The following SNX29 variants were observed in gnomAD, a reference collection of about 807,000 sequenced individuals.
The protein encoded by SNX29 is sorting nexin 29, also known as sorting nexin-29.
A neutral mutation model predicts 102.1 loss-of-function variants in SNX29; 78 were observed. That is an observed-to-expected ratio of 0.76 (90% CI 0.64 to 0.92). SNX29 has a LOEUF of 0.92. Among genes scored for constraint, SNX29 ranks in the 40% least tolerant of loss-of-function variants. The probability of loss-of-function intolerance (pLI) is 0.00; values close to 1 mark genes in which losing one functional copy is unlikely to be tolerated. For missense variants in SNX29, 1,280 were observed against 1,061.7 expected (o/e 1.21, Z -2.86); for synonymous variants, 580 against 414.5 (o/e 1.40, Z -4.85).
At chr16:12,554,363 G>A (rs2078188249) in intron 20 of SNX29, among the ~76,000 whole-genome samples, 1 of 125,024 alleles carries the variant, frequency 8.0e-6, no homozygotes, top group Non-Finnish European at 1.6e-5. Context: ...CCTTACCTGT[G>A]TCTTGAAGGT....
chr16:12,563,153 G>T (rs554359220), intron 20 of SNX29, among the ~76,000 whole-genome samples: 1 of 150,440 alleles, frequency 6.6e-6, no homozygotes, highest in Admixed American at 7.2e-5. Flanking sequence ...CCCAGCTCCA[G>T]GGGGGGCAAC....
intron 13 of SNX29, among the ~76,000 whole-genome samples, chr16:12,192,326 G>A (rs1382150011): frequency 6.6e-5 from 10 of 152,106 alleles, no homozygotes. Flanking sequence ...TTGGACAGGC[G>A]AATATTTGAA....
intron 15 of SNX29, among the ~76,000 whole-genome samples, chr16:12,334,893 C>T (rs1355609472): frequency 8.9e-6 from 1 of 111,980 alleles, no homozygotes; most frequent in Non-Finnish European, 1.7e-5. Context: ...AGTTATCAGC[C>T]CCAGAGCCTT....
intron 15 of SNX29, among the ~76,000 whole-genome samples, chr16:12,347,078 C>T (rs958862004): frequency 6.6e-6 from 1 of 152,186 alleles, no homozygotes; most frequent in East Asian, 1.9e-4. Flanking sequence ...TGTGTGTAAG[C>T]ATTACCTCTT....
In SNX29 at chr16:12,061,572, C is replaced by T; in HGVS notation, c.1169C>T (p.Ala390Val). The T allele has an allele frequency of 6.2e-7, 1 of 1,611,070 alleles. No individual in the cohort carries two copies. Among genetic ancestry groups the T allele is most frequent in the Non-Finnish European group, 8.5e-7 (1 of 1,178,998 alleles). The change falls in exon 9 of 21, where the codon GCT (alanine) becomes GTT (valine). Residue 390 changes from alanine to valine, a missense_variant. Coordinates refer to ENST00000566228, the MANE Select transcript of SNX29 (RefSeq NM_032167.5). ...TGCCTCTCCCAGATGCACAGCTGGGCTCCGCTGAAGGTGCTGCACAATGAC... is the reference window on the plus strand; with the variant it reads ...TGCCTCTCCCAGATGCACAGCTGGGTTCCGCTGAAGGTGCTGCACAATGAC... Reference protein sequence around the residue: ...NTCLSQMHSWAPLKVLHNDSD... With the variant: ...NTCLSQMHSWVPLKVLHNDSD...
At chr16:12,002,188 C>A (rs2056312387) in intron 2 of SNX29, among the ~76,000 whole-genome samples, 1 of 152,160 alleles carries the variant, frequency 6.6e-6, no homozygotes. Flanking sequence ...TGGCTCACGC[C>A]TGTAATCCCA....
intron 8 of SNX29, chr16:12,052,464 G>C: frequency 2.4e-6 from 1 of 424,312 alleles, no homozygotes; most frequent in South Asian, 2.1e-5. Context: ...TGATCTGCCT[G>C]CCTTGGCCTC....
chr16:12,232,049 T>C (rs759149412), intron 14 of SNX29, among the ~76,000 whole-genome samples: 23 of 152,224 alleles, frequency 1.5e-4, no homozygotes, highest in African/African-American at 2.4e-4. Flanking sequence ...GGAATTGTCA[T>C]GAATTGTCCT....
chr16:12,544,513 C>T (rs948510782), intron 20 of SNX29, among the ~76,000 whole-genome samples: 3 of 152,106 alleles, frequency 2.0e-5, no homozygotes, highest in African/African-American at 7.2e-5. Context: ...TGGCATTTTT[C>T]TGTGGGGAAT....
At chr16:12,270,837 T>C (rs1596703015) in intron 14 of SNX29, among the ~76,000 whole-genome samples, 1 of 152,146 alleles carries the variant, frequency 6.6e-6, no homozygotes, top group East Asian at 1.9e-4. Flanking sequence ...CGGTCAGGCA[T>C]TCGAGACCCA....
intron 11 of SNX29, among the ~76,000 whole-genome samples, chr16:12,105,979 G>A (rs1010711436): frequency 6.6e-6 from 1 of 152,214 alleles, no homozygotes; most frequent in Non-Finnish European, 1.5e-5. Context: ...TCCTGGAGGA[G>A]TCTGTACTAA....
intron 15 of SNX29, among the ~76,000 whole-genome samples, chr16:12,325,219 C>A (rs945873112): frequency 6.6e-6 from 1 of 152,162 alleles, no homozygotes; most frequent in African/African-American, 2.4e-5. Flanking sequence ...TCCAGTGTGA[C>A]CCTCTGAAAG....
chr16:12,505,961 T>C (rs2089359173), intron 19 of SNX29, among the ~76,000 whole-genome samples: 1 of 152,248 alleles, frequency 6.6e-6, no homozygotes, highest in African/African-American at 2.4e-5. Context: ...GTTTCAGATT[T>C]CATTTGTTTG....
chr16:12,083,591 G>A (rs1033544844), intron 11 of SNX29, among the ~76,000 whole-genome samples: 1 of 152,144 alleles, frequency 6.6e-6, no homozygotes, highest in Non-Finnish European at 1.5e-5. Flanking sequence ...ACTCCGATTG[G>A]GAGTTAGGTC....
intron 8 of SNX29, among the ~76,000 whole-genome samples, chr16:12,058,108 T>C (rs2050594959): frequency 1.3e-5 from 2 of 151,856 alleles, no homozygotes; most frequent in South Asian, 4.2e-4. Context: ...GTGTGAGCCA[T>C]CATGCCTGGC....
chr16:12,036,334 CT>C (rs1217078180), intron 4 of SNX29, among the ~76,000 whole-genome samples: 37,238 of 78,360 alleles, frequency 0.48, 6,735 homozygotes, highest in African/African-American at 0.63. Flanking sequence ...TTCTTTCTTT[CT>C]TTTTTTTTTT....
At chr16:12,502,878 T>C (rs2089191954) in intron 19 of SNX29, among the ~76,000 whole-genome samples, 1 of 152,194 alleles carries the variant, frequency 6.6e-6, no homozygotes, top group African/African-American at 2.4e-5. Context: ...GTCACTACTT[T>C]AGAATTACAG....
Position 12,572,863 on chromosome 16 carries a change from G to T in SNX29, c.*4234G>T, listed in dbSNP as rs942953039. ...TCATGCCCAGGTTTCAGCCCTAAAG[G>T]TAATGATTGTCTTGACTCTGCCTTG... On this transcript the variant is annotated 3_prime_UTR_variant, in exon 21 of 21. Transcript: ENST00000566228. 2 of 1,063,182 alleles carry T rather than the reference G, an allele frequency of 1.9e-6. No individual in the cohort carries two copies. The highest frequency in any genetic ancestry group is 4.6e-5 in the South Asian group (1 of 21,978). The allele number at this position is 1,063,182 out of a possible 1,614,324, so 65.9% of individuals were successfully genotyped here.
chr16:12,382,934 A>G (rs1381572535), intron 16 of SNX29, among the ~76,000 whole-genome samples: 2 of 152,038 alleles, frequency 1.3e-5, no homozygotes, highest in Non-Finnish European at 2.9e-5. Flanking sequence ...TTCTCATCTC[A>G]AGAGTCTGAA....
Sources: allele counts gnomAD v4.1 joint callset (sites outside exome capture counted in the v4.1 genomes callset), GRCh38; gene constraint gnomAD v4.1.1; transcripts MANE v1.5; gene names NCBI Gene and HGNC (gene_info 2026-07-23, HGNC 2026-07-21).